The following UBIAD1 variants were observed in gnomAD, a reference collection of about 807,000 sequenced individuals.
UBIAD1 encodes ubiA prenyltransferase domain-containing protein 1.
A neutral mutation model predicts 20.1 loss-of-function variants in UBIAD1; 12 were observed. That is an observed-to-expected ratio of 0.60 (90% confidence interval 0.38 to 0.97). The LOEUF is 0.97. Among genes scored for constraint, UBIAD1 ranks in the 50% least tolerant of loss-of-function variants. UBIAD1 has a pLI of 0.00. For missense variants in UBIAD1, 333 were observed against 419.5 expected (o/e 0.79, Z 1.80); for synonymous variants, 207 against 189.2 (o/e 1.09, Z -0.77).
rs1638260575 is a variant in UBIAD1, at chr1:11,286,231, A to G, written c.*100A>G. 5 of 1,507,658 alleles carry G rather than the reference A, an allele frequency of 3.3e-6. No homozygotes were observed. Among genetic ancestry groups the G allele is most frequent in the Non-Finnish European group, 4.6e-6 (5 of 1,092,542 alleles). 93.4% of individuals were successfully genotyped at this position (1,507,658 alleles called of 1,614,324 possible). On this transcript the variant is annotated 3_prime_UTR_variant, in exon 2 of 2. Transcript: ENST00000376810. ...ATGTGATTTGGCAGTCAGGGTACTA[A>G]GCATGGGTGGGAACTCCTGCCTTAT...
intron 1 of UBIAD1, among the ~76,000 whole-genome samples, chr1:11,274,485 G>C (rs1557514594): frequency 6.6e-6 from 1 of 151,776 alleles, no homozygotes; most frequent in Non-Finnish European, 1.5e-5. Context: ...TTTTATTAGA[G>C]ACGGGGTGTC....
At chr1:11,274,619 A>AT (rs1225109952) in intron 1 of UBIAD1, among the ~76,000 whole-genome samples, 11 of 121,862 alleles carry the variant, frequency 9.0e-5, no homozygotes, top group East Asian at 2.5e-4. Context: ...AATTTTTTTT[A>AT]TTTTTTTTGA....
In UBIAD1 at chr1:11,285,587, A is replaced by C; in HGVS notation, c.530-57A>C. 1 of 1,612,768 alleles carries C rather than the reference A, an allele frequency of 6.2e-7. No homozygotes were observed. The highest frequency in any genetic ancestry group is 8.5e-7 in the Non-Finnish European group (1 of 1,179,946). On this transcript the variant is annotated intron_variant, in intron 1 of 1. Coordinates refer to ENST00000376810, the MANE Select transcript of UBIAD1 (RefSeq NM_013319.3). The surrounding 1 kb of genome is among the most constrained non-coding windows in gnomAD (Gnocchi z 4.4). The stretch of plus-strand genomic sequence containing the variant: ...GTGGCCTGCCTCTTCACTGGTGAAC[A>C]GTCCCTAAATTTCCAGCCTTGGTCT...
In UBIAD1 at chr1:11,274,575, G is replaced by A. The variant is rs148766412; in HGVS notation, c.529+515G>A. Reference sequence around the variant, plus strand: ...GCCTCCCAAAGTTCTAAGATTACAGGCGTGAGCCACCGCGCCCTGTCAGGA... The same window carrying A: ...GCCTCCCAAAGTTCTAAGATTACAGACGTGAGCCACCGCGCCCTGTCAGGA... On this transcript the variant is annotated intron_variant, in intron 1 of 1. Coordinates refer to ENST00000376810, the MANE Select transcript of UBIAD1 (RefSeq NM_013319.3). Among the ~76,000 whole-genome samples the A allele has an allele frequency of 6.9e-3, 1,039 of 151,126 alleles. 11 individuals carry two copies. Among genetic ancestry groups the A allele is most frequent in the African/African-American group, 0.024 (971 of 41,130 alleles).
chr1:11,296,482 TGGTGAGTAGTA>T (rs887181104), downstream of UBIAD1, among the ~76,000 whole-genome samples: 1 of 152,194 alleles, frequency 6.6e-6, no homozygotes, highest in Non-Finnish European at 1.5e-5. Context: ...AGCATGTGCC[TGGTGAGTAGTA>T]GGCACTTCAT....
chr1:11,281,746 A>G (rs11121714), intron 1 of UBIAD1, among the ~76,000 whole-genome samples: 7,122 of 152,276 alleles, frequency 0.047, 325 homozygotes, highest in African/African-American at 0.12. Context: ...CCATCCAGAG[A>G]CAGGAAAAGA....
chr1:11,275,174 C>T (rs750380659), intron 1 of UBIAD1, among the ~76,000 whole-genome samples: 4 of 152,174 alleles, frequency 2.6e-5, no homozygotes, highest in East Asian at 3.9e-4. Flanking sequence ...GTGAAACTTA[C>T]GTATTATCAT....
chr1:11,291,165 C>A (rs746623724), downstream of UBIAD1, among the ~76,000 whole-genome samples: 3 of 152,192 alleles, frequency 2.0e-5, no homozygotes, highest in African/African-American at 7.2e-5. Context: ...TGTCATTCTT[C>A]TCATGCTGGG....
Position 11,277,774 on chromosome 1 carries a change from A to C in UBIAD1, c.529+3714A>C, listed in dbSNP as rs972205635. Among the ~76,000 whole-genome samples, 5 of 152,078 alleles carry C rather than the reference A, an allele frequency of 3.3e-5. No individual in the cohort carries two copies. The East Asian group carries it at 9.7e-4, about 29-fold the overall frequency. ...GCAGTTCTGCCTCCGCCTCCCAAGT[A>C]GCTGGGATTACAGGCATGGGCCACC... On this transcript the variant is annotated intron_variant, in intron 1 of 1. Transcript: ENST00000376810.
chr1:11,291,426 G>T (rs976125589), downstream of UBIAD1, among the ~76,000 whole-genome samples: 1 of 150,806 alleles, frequency 6.6e-6, no homozygotes, highest in African/African-American at 2.4e-5. Context: ...TGGCCAATAT[G>T]GCAAAACCCT....
chr1:11,292,630 G>A (rs1457006230), downstream of UBIAD1, among the ~76,000 whole-genome samples: 2 of 151,132 alleles, frequency 1.3e-5, no homozygotes, highest in Non-Finnish European at 1.5e-5. Flanking sequence ...AACAGGAACA[G>A]CTGTGATTGA....
At position 11,273,247 on chromosome 1, in the gene UBIAD1, G is replaced by A. The variant is rs1557513255; in HGVS notation, c.-285G>A. On this transcript the variant is annotated 5_prime_UTR_variant, in exon 1 of 2. Transcript: ENST00000376810. The surrounding 1 kb of genome is among the most constrained non-coding windows in gnomAD (Gnocchi z 4.9). ...CGGCGCACAAGATGGCGGCTCTGGC[G>A]GCCTAAAGAAGGCGGCCGCGGCTCA... The A allele has an allele frequency of 4.5e-6, 2 of 443,892 alleles. No homozygotes were observed. The highest frequency in any genetic ancestry group is 4.8e-5 in the South Asian group (2 of 41,484). The allele number at this position is 443,892 out of a possible 1,614,324, so 27.5% of individuals were successfully genotyped here.
chr1:11,294,752 C>T, intron 1 of UBIAD1: 1 of 713,326 alleles, frequency 1.4e-6, no homozygotes, highest in Non-Finnish European at 2.6e-6. Context: ...TCTGCCCATC[C>T]CCAGATAATG....
exon 2 of UBIAD1, chr1:11,295,155 C>T (rs1214903985): frequency 3.8e-6 from 2 of 528,788 alleles, no homozygotes; most frequent in African/African-American, 1.9e-5. Flanking sequence ...AAACAACGAC[C>T]ACAGAACATC....
chr1:11,275,088 A>G (rs766665309), intron 1 of UBIAD1, among the ~76,000 whole-genome samples: 8 of 152,234 alleles, frequency 5.3e-5, no homozygotes, highest in Non-Finnish European at 8.8e-5. Context: ...CAGGTGGGTA[A>G]GCCCTATTTA....
chr1:11,273,576 G>A lies in UBIAD1; in HGVS notation c.45G>A (p.Ser15=). Residue 15 remains serine, a synonymous_variant, in exon 1 of 2, where the codon TCG becomes TCA. Coordinates refer to ENST00000376810, the MANE Select transcript of UBIAD1 (RefSeq NM_013319.3). This position sits in a 1 kb window ranked among gnomAD's most constrained non-coding sequence, Gnocchi z 4.9. ...QVLGEKINIL[S]GETVKAGDRD... ...TGGGGGAGAAGATTAACATCCTGTC[G>A]GGAGAGACTGTCAAAGCTGGGGACA... The A allele has an allele frequency of 6.2e-7, 1 of 1,613,534 alleles. No individual in the cohort carries two copies. Among genetic ancestry groups the A allele is most frequent in the Non-Finnish European group, 8.5e-7 (1 of 1,180,028 alleles).
downstream of UBIAD1, among the ~76,000 whole-genome samples, chr1:11,298,654 C>T (rs955088938): frequency 6.6e-6 from 1 of 152,128 alleles, no homozygotes; most frequent in South Asian, 2.1e-4. This position sits in a 1 kb window ranked among gnomAD's most constrained non-coding sequence, Gnocchi z 4.0. Context: ...CACTTATGGA[C>T]ATTTGGGGAC....
intron 1 of UBIAD1, among the ~76,000 whole-genome samples, chr1:11,282,237 A>G (rs996119460): frequency 3.3e-5 from 5 of 152,188 alleles, no homozygotes; most frequent in South Asian, 2.1e-4. Context: ...CGTCTTGCCA[A>G]CTTTTTGACT....
intron 1 of UBIAD1, among the ~76,000 whole-genome samples, chr1:11,282,054 T>TGAAC (rs1308022127): frequency 6.6e-6 from 1 of 152,196 alleles, no homozygotes; most frequent in African/African-American, 2.4e-5. Flanking sequence ...TGAACATTCA[T>TGAAC]GTTCAAGTCT....
Sources: gnomAD v4.1 joint callset for allele counts (sites outside exome capture counted in the v4.1 genomes callset) on GRCh38, gnomAD v4.1.1 for gene constraint, Gnocchi (gnomAD v3.1) non-coding constraint, MANE v1.5 for transcripts, NCBI Gene and HGNC (gene_info 2026-07-23, HGNC 2026-07-21) for gene names.